The following INTS6 variants were observed in gnomAD, a reference collection of about 807,000 sequenced individuals.
INTS6 encodes integrator complex subunit 6, also known as DEAD box protein.
In INTS6, 16 loss-of-function variants were observed where a neutral mutation model predicts 104.9. The observed-to-expected ratio is 0.15, with a 90% CI of 0.10 to 0.23. The LOEUF (loss-of-function observed/expected upper bound fraction) is 0.23. INTS6 is among the 10% of genes least tolerant of loss of function. INTS6 has a pLI of 1.00. For missense variants in INTS6, 584 were observed against 1,062.8 expected (o/e 0.55, Z 6.26); for synonymous variants, 324 against 358.7 (o/e 0.90, Z 1.09).
At chr13:51,417,796 G>A (rs1956819323) in intron 4 of INTS6, among the ~76,000 whole-genome samples, 1 of 152,124 alleles carries the variant, frequency 6.6e-6, no homozygotes, top group African/African-American at 2.4e-5. Context: ...CTTAACTCTT[G>A]TCAAAAATCG....
At chr13:51,337,519 G>A in the INTS6 span, among the ~76,000 whole-genome samples, 2 of 152,182 alleles carry the variant, frequency 1.3e-5, no homozygotes, top group Non-Finnish European at 2.9e-5. Context: ...ACAGCCAAGA[G>A]GGATTTTAAG....
the INTS6 span, among the ~76,000 whole-genome samples, chr13:51,337,458 C>T: frequency 6.6e-6 from 1 of 152,202 alleles, no homozygotes; most frequent in African/African-American, 2.4e-5. Context: ...AAAGTGAACA[C>T]GCATTACGAG....
chr13:51,383,429 T>G lies in INTS6; in HGVS notation c.1080A>C (p.Glu360Asp). 1 of 1,613,992 alleles carries G rather than the reference T, an allele frequency of 6.2e-7. No individual in the cohort carries two copies. Among genetic ancestry groups the G allele is most frequent in the Non-Finnish European group, 8.5e-7 (1 of 1,179,942 alleles). Residue 360 changes from glutamate to aspartate, a missense_variant, in exon 9 of 18, where the codon GAA becomes GAC. Glu to Asp is a conservative substitution (Grantham distance 45). This residue lies in a region of INTS6 where 144 missense variants were observed against 348.7 expected (regional missense o/e 0.41). Transcript: ENST00000311234. ...VYVSNSAKYS[E>D]LGHPFGYLKA... ...TCAAGTAACCAAAAGGATGACCAAGTTCACTGTATTTTGCACTATTGCTCA... is the reference window on the plus strand; with the variant it reads ...TCAAGTAACCAAAAGGATGACCAAGGTCACTGTATTTTGCACTATTGCTCA...
chr13:51,452,072 G>A lies in INTS6; in HGVS notation c.112-17C>T, dbSNP rs1437731839. The A allele has an allele frequency of 1.9e-6, 3 of 1,607,336 alleles. No individual in the cohort carries two copies. Among genetic ancestry groups the A allele is most frequent in the Non-Finnish European group, 2.5e-6 (3 of 1,176,512 alleles). On this transcript the variant is annotated splice_polypyrimidine_tract_variant and intron_variant, in intron 1 of 17. Coordinates refer to ENST00000311234, the MANE Select transcript of INTS6 (RefSeq NM_012141.3). The surrounding 1 kb of genome is among the most constrained non-coding windows in gnomAD (Gnocchi z 4.2). ...GGCACGGAGCTGCGGGACGGGAGGA[G>A]GAACAGGGCGGGCGACAGGGAAGCA...
At chr13:51,379,000 C>G (rs754627882) in intron 11 of INTS6, among the ~76,000 whole-genome samples, 2 of 151,954 alleles carry the variant, frequency 1.3e-5, no homozygotes, top group Admixed American at 6.6e-5. Flanking sequence ...GTCAGTTAAA[C>G]TATATACTGC....
At chr13:51,344,162 G>T in the INTS6 span, 1 of 908,956 alleles carries the variant, frequency 1.1e-6, no homozygotes, top group South Asian at 1.5e-5. Context: ...AGTTGCTGGC[G>T]TTCCATCTCA....
chr13:51,375,231 T>C (rs1038171063), intron 13 of INTS6, among the ~76,000 whole-genome samples: 2 of 151,536 alleles, frequency 1.3e-5, no homozygotes, highest in Non-Finnish European at 2.9e-5. Context: ...CACGTGCCTG[T>C]AATCCCAGCT....
intron 15 of INTS6, among the ~76,000 whole-genome samples, chr13:51,373,696 C>A (rs1955860395): frequency 6.6e-6 from 1 of 152,202 alleles, no homozygotes; most frequent in African/African-American, 2.4e-5. Flanking sequence ...GCCTTGACTT[C>A]ATTGACTTAA....
chr13:51,350,390 A>G (rs1955392945), downstream of INTS6, among the ~76,000 whole-genome samples: 1 of 152,218 alleles, frequency 6.6e-6, no homozygotes, highest in African/African-American at 2.4e-5. Context: ...TTATAACCAC[A>G]ATCATATGAT....
chr13:51,395,547 T>C, intron 4 of INTS6, 64 bp from the exon 5 acceptor site: 5 of 1,393,354 alleles, frequency 3.6e-6, no homozygotes, highest in Non-Finnish European at 2.9e-6. Context: ...AAAGCCTACT[T>C]TAATTACACT....
chr13:51,362,127 G>A lies in INTS6; in HGVS notation c.*3625C>T. On this transcript the variant is annotated 3_prime_UTR_variant, in exon 18 of 18. Transcript: ENST00000311234. Reference sequence around the variant, plus strand: ...TTCTCATTCTCTCAGCTCATATATAGTTAATGTAGATTTTTTTTTTTAATG... The same window carrying A: ...TTCTCATTCTCTCAGCTCATATATAATTAATGTAGATTTTTTTTTTTAATG... 2 of 1,331,848 alleles carry A rather than the reference G, an allele frequency of 1.5e-6. No homozygotes were observed. Among genetic ancestry groups the A allele is most frequent in the East Asian group, 5.9e-5 (2 of 34,038 alleles). 82.5% of individuals were successfully genotyped at this position (1,331,848 alleles called of 1,614,324 possible).
At position 51,452,143 on chromosome 13, in the gene INTS6, C is replaced by T. The variant is rs1437752196; in HGVS notation, c.112-88G>A. On this transcript the variant is annotated intron_variant, in intron 1 of 17. Coordinates refer to ENST00000311234, the MANE Select transcript of INTS6 (RefSeq NM_012141.3). This position sits in a 1 kb window ranked among gnomAD's most constrained non-coding sequence, Gnocchi z 4.2. Reference sequence around the variant, plus strand: ...GGAGAAGGGGCGCCCAGCGGCCCCGCCGCCCCCACAGTACCGCACACGCAG... The same window carrying T: ...GGAGAAGGGGCGCCCAGCGGCCCCGTCGCCCCCACAGTACCGCACACGCAG... 5.5e-6 allele frequency: 7 copies of T among 1,266,296 alleles called. No individual in the cohort carries two copies. The South Asian group carries it at 6.1e-5, about 11-fold the overall frequency. 78.4% of individuals were successfully genotyped at this position (1,266,296 alleles called of 1,614,324 possible).
At chr13:51,422,989 T>A (rs1317397381) in intron 4 of INTS6, 5 of 1,035,778 alleles carry the variant, frequency 4.8e-6, no homozygotes, top group Non-Finnish European at 6.4e-6. Context: ...ATTTCTGCCA[T>A]GAGATTTATC....
At chr13:51,412,352 T>A (rs952983243) in intron 4 of INTS6, among the ~76,000 whole-genome samples, 4 of 152,194 alleles carry the variant, frequency 2.6e-5, no homozygotes, top group African/African-American at 9.7e-5. Context: ...ATGCAAAATG[T>A]GAGTGTCATG....
chr13:51,359,229 A>G (rs1435710144), downstream of INTS6, among the ~76,000 whole-genome samples: 1 of 152,054 alleles, frequency 6.6e-6, no homozygotes. Context: ...GGTTCATTTC[A>G]TTAGTTCTGT....
chr13:51,368,400 T>G (rs2137859637), intron 16 of INTS6, among the ~76,000 whole-genome samples: 1 of 152,224 alleles, frequency 6.6e-6, no homozygotes, highest in East Asian at 1.9e-4. Flanking sequence ...CCCAGGTCAT[T>G]CTACTACCCC....
chr13:51,431,482 T>C (rs527735761), intron 3 of INTS6, among the ~76,000 whole-genome samples: 2 of 152,298 alleles, frequency 1.3e-5, no homozygotes, highest in East Asian at 3.9e-4. Context: ...AGACCATACT[T>C]AGAACAACAA....
chr13:51,421,031 A>T, intron 4 of INTS6: 1 of 603,810 alleles, frequency 1.7e-6, no homozygotes, highest in Non-Finnish European at 2.1e-6. Context: ...TTATCAGTTT[A>T]GGGTTGTCAT....
intron 4 of INTS6, chr13:51,423,048 C>T (rs1311166190): frequency 1.6e-5 from 20 of 1,280,016 alleles, no homozygotes; most frequent in East Asian, 5.6e-5. Context: ...AAAGATAATA[C>T]GTTTTCTAGC....
Sources: allele counts gnomAD v4.1 joint callset (sites outside exome capture counted in the v4.1 genomes callset), GRCh38; gene constraint gnomAD v4.1.1; regional missense constraint gnomAD v4.1.1; non-coding constraint Gnocchi (gnomAD v3.1); transcripts MANE v1.5; gene names NCBI Gene and HGNC (gene_info 2026-07-23, HGNC 2026-07-21).